COL4A1: variants seen among roughly 807,000 people sequenced by gnomAD.
COL4A1 encodes the protein collagen type IV alpha 1 chain, also known as collagen alpha-1(IV) chain.
In COL4A1, 40 loss-of-function variants were observed where a neutral mutation model predicts 216.6. That is an observed-to-expected ratio of 0.18 (90% CI 0.14 to 0.24). COL4A1 has a LOEUF of 0.24. Ranked by LOEUF, COL4A1 falls within the 10% of genes least tolerant of loss-of-function variation. The pLI, the probability that COL4A1 is intolerant of heterozygous loss-of-function variation, is 1.00. For synonymous variants in COL4A1, 839 were observed against 810.7 expected (o/e 1.03, Z -0.59); for missense variants, 1,628 against 2,196.8 (o/e 0.74, Z 5.18).
chr13:110,279,423 T>C (rs1317744058), intron 1 of COL4A1, among the ~76,000 whole-genome samples: 2 of 152,188 alleles, frequency 1.3e-5, no homozygotes, highest in Admixed American at 6.5e-5. Flanking sequence ...TGTGATATCA[T>C]TTCAATGACT....
In COL4A1 at chr13:110,164,938, C is replaced by G. The variant is rs780708794; in HGVS notation, c.4074G>C (p.Glu1358Asp). The G allele has an allele frequency of 6.2e-7, 1 of 1,605,106 alleles. No individual in the cohort carries two copies. Among genetic ancestry groups the G allele is most frequent in the Non-Finnish European group, 8.5e-7 (1 of 1,176,056 alleles). Residue 1358 changes from glutamate (E) to aspartate (D), a missense_variant, in exon 46 of 52, where the codon GAG (glutamate) becomes GAC (aspartate). Glu to Asp is a conservative substitution (Grantham distance 45). Around this residue, in one of 8 missense-constraint regions of COL4A1, gnomAD observed 345 missense variants for 476.9 expected, o/e 0.72. Coordinates refer to ENST00000375820, the MANE Select transcript of COL4A1 (RefSeq NM_001845.6). ...PPGPYDIIKG[E>D]PGLPGPEGPP... ...GGCCCTCAGGACCAGGGAGCCCGGG[C>G]TCCCCTTTGATGATGTCGTAAGGAC...
chr13:110,155,145 G>A, intron 50 of COL4A1, 138 bp downstream of exon 50: 1 of 738,214 alleles, frequency 1.4e-6, no homozygotes, highest in Non-Finnish European at 2.4e-6. Context: ...GCTTTGGAAG[G>A]GGATGGTTGG....
At chr13:110,199,152 A>C (rs1478886860) in intron 20 of COL4A1, among the ~76,000 whole-genome samples, 3 of 152,202 alleles carry the variant, frequency 2.0e-5, no homozygotes, top group Non-Finnish European at 4.4e-5. Flanking sequence ...GTAACTCTGT[A>C]AGGGTAAGAC....
chr13:110,178,290 T>TACC, intron 31 of COL4A1, 59 bp from the exon 32 acceptor site: 1 of 1,603,726 alleles, frequency 6.2e-7, no homozygotes, highest in Non-Finnish European at 8.5e-7. Flanking sequence ...ATCTACAATG[T>TACC]ACAGTGCTCT....
At chr13:110,280,908 A>G (rs1883606028) in intron 1 of COL4A1, among the ~76,000 whole-genome samples, 1 of 152,068 alleles carries the variant, frequency 6.6e-6, no homozygotes, top group Non-Finnish European at 1.5e-5. Flanking sequence ...TTTGTGTTCA[A>G]TATATGCAAC....
chr13:110,209,707 A>G (rs959228909), intron 10 of COL4A1: 3 of 690,242 alleles, frequency 4.3e-6, no homozygotes, highest in Non-Finnish European at 7.8e-6. Context: ...TGTGACTATC[A>G]GCAGTACCCC....
intron 44 of COL4A1, 101 bp from the exon 45 acceptor site, chr13:110,166,404 C>CA: frequency 1.2e-6 from 1 of 812,640 alleles, no homozygotes; most frequent in Non-Finnish European, 2.2e-6. Context: ...TACATGTACA[C>CA]AAATGTATAG....
rs138269346 is a variant in COL4A1 at position 110,212,475 on chromosome 13, A to G, written c.329T>C (p.Ile110Thr). ...GYPGNPGLPG[I>T]PGQDGPPGPP... is the part of the protein sequence containing the mutation. ...GCCTGGCGGGCCGTCTTGGCCAGGA[A>G]TTCCCTGCAATGAAGAAAGTGAAAA... Residue 110 changes from isoleucine (I) to threonine (T), a missense_variant, in exon 6 of 52, where the codon ATT (isoleucine) becomes ACT (threonine). Transcript: ENST00000375820. The G allele has an allele frequency of 3.2e-4, 523 of 1,614,218 alleles. 2 individuals are homozygous for G. Among genetic ancestry groups the G allele is most frequent in the South Asian group, 5.2e-4 (47 of 91,086 alleles).
intron 49 of COL4A1, among the ~76,000 whole-genome samples, chr13:110,156,383 A>T (rs1351486619): frequency 6.6e-6 from 1 of 152,248 alleles, no homozygotes; most frequent in African/African-American, 2.4e-5. Context: ...AGTAACTAAG[A>T]CAAATAATGC....
At chr13:110,272,020 G>T (rs1883261826) in intron 1 of COL4A1, among the ~76,000 whole-genome samples, 2 of 152,154 alleles carry the variant, frequency 1.3e-5, no homozygotes, top group Admixed American at 1.3e-4. Context: ...CATATTCAAG[G>T]GGTAAGATCA....
chr13:110,203,598 C>T lies in COL4A1; in HGVS notation c.967G>A (p.Gly323Ser). 6.2e-7 allele frequency: 1 copy of T among 1,614,116 alleles called. No individual in the cohort carries two copies. The highest frequency in any genetic ancestry group is 8.5e-7 in the Non-Finnish European group (1 of 1,180,028). Reference protein sequence around the residue: ...IGRQGPQGEKGEAGPPGPPGI... With the variant: ...IGRQGPQGEKSEAGPPGPPGI... ...GGTGGGCCAGGAGGACCTGCTTCAC[C>T]CTTTTCTCCCTACAAAAGAAAAAAT... is the stretch of plus-strand genomic sequence containing the variant. Residue 323 changes from glycine to serine, a missense_variant, in exon 18 of 52, where the codon GGT becomes AGT. By Grantham distance (56) the Gly-to-Ser change is moderately conservative. Around this residue, in one of 8 missense-constraint regions of COL4A1, gnomAD observed 701 missense variants for 892.5 expected, o/e 0.79. Coordinates refer to ENST00000375820, the MANE Select transcript of COL4A1 (RefSeq NM_001845.6).
At chr13:110,188,589 G>A (rs1319640274) in intron 24 of COL4A1, among the ~76,000 whole-genome samples, 1 of 152,188 alleles carries the variant, frequency 6.6e-6, no homozygotes, top group African/African-American at 2.4e-5. Flanking sequence ...TGCTGGAACT[G>A]GGATCCACAT....
chr13:110,152,044 CTGTT>C (rs1392774789), intron 51 of COL4A1, among the ~76,000 whole-genome samples: 1 of 152,148 alleles, frequency 6.6e-6, no homozygotes, highest in Non-Finnish European at 1.5e-5. Flanking sequence ...CAAACATGCT[CTGTT>C]TGGAGATTTC....
intron 46 of COL4A1, among the ~76,000 whole-genome samples, chr13:110,164,479 C>G (rs910272130): frequency 1.3e-5 from 2 of 152,214 alleles, no homozygotes; most frequent in African/African-American, 2.4e-5. Flanking sequence ...CAGTGCCAAT[C>G]AGGCAGCGCT....
At chr13:110,202,309 A>C (rs969789223) in intron 18 of COL4A1, among the ~76,000 whole-genome samples, 1 of 152,038 alleles carries the variant, frequency 6.6e-6, no homozygotes, top group African/African-American at 2.4e-5. Flanking sequence ...TCGGCTCCTT[A>C]ACAAGGAGAA....
rs1877889898 is a variant in COL4A1 at position 110,176,466 on chromosome 13, G to A, written c.3016C>T (p.Leu1006Phe). The change falls in exon 36 of 52, where the codon CTT becomes TTT. Residue 1006 changes from leucine to phenylalanine, a missense_variant. By Grantham distance (22) the Leu-to-Phe change is conservative (BLOSUM62 0). This residue lies in a region of COL4A1 where 58 missense variants were observed against 132.5 expected (regional missense o/e 0.44). Transcript: ENST00000375820. ...GISGTPGAPGLPGPKGSVGGM... is the reference protein window; with the variant it reads ...GISGTPGAPGFPGPKGSVGGM... ...CCAACAGATCCTTTTGGTCCCGGAA[G>A]TCCTGGAGCACCTGGGGTTCCACTT... 1.2e-6 allele frequency: 2 copies of A among 1,613,932 alleles called. No individual in the cohort carries two copies. Among genetic ancestry groups the A allele is most frequent in the African/African-American group, 2.7e-5 (2 of 74,932 alleles).
chr13:110,203,543 C>A (rs773893495), intron 18 of COL4A1, 23 bp downstream of exon 18: 1 of 1,613,778 alleles, frequency 6.2e-7, no homozygotes, highest in Non-Finnish European at 8.5e-7. Context: ...TCTCACAGAC[C>A]CAGGGACAGC....
At chr13:110,245,455 A>T (rs1279341355) in intron 1 of COL4A1, among the ~76,000 whole-genome samples, 1 of 152,230 alleles carries the variant, frequency 6.6e-6, no homozygotes, top group African/African-American at 2.4e-5. Flanking sequence ...TCCAGCAGTC[A>T]TCTGGGCTTA....
chr13:110,227,324 G>A (rs1015842557), intron 2 of COL4A1, among the ~76,000 whole-genome samples: 13 of 149,206 alleles, frequency 8.7e-5, no homozygotes, highest in South Asian at 8.5e-4. Context: ...ACTTTCCCAC[G>A]TATATGGATT....
Sources: allele counts gnomAD v4.1 joint callset (sites outside exome capture counted in the v4.1 genomes callset), GRCh38; gene constraint gnomAD v4.1.1; regional missense constraint gnomAD v4.1.1; transcripts MANE v1.5; gene names NCBI Gene and HGNC (gene_info 2026-07-23, HGNC 2026-07-21).